The following GGACT variants were observed in gnomAD, a reference collection of about 807,000 sequenced individuals.
The protein encoded by GGACT is gamma-glutamylamine cyclotransferase.
For synonymous variants in GGACT, 118 were observed against 115.3 expected (o/e 1.02, Z -0.15); for missense variants, 241 against 233.2 (o/e 1.03, Z -0.22).
At chr13:100,568,058 A>C (rs1382672939) in intron 2 of GGACT, among the ~76,000 whole-genome samples, 2 of 152,192 alleles carry the variant, frequency 1.3e-5, no homozygotes, top group Non-Finnish European at 2.9e-5. Flanking sequence ...ACCTCCCTGG[A>C]AGCCCCACAC....
chr13:100,530,244 A>G lies in GGACT; in HGVS notation c.*1886T>C, dbSNP rs1178417074. ...GCTTTCACACACAATTGATTCAAGC[A>G]TTATACAGGAACACCCCTGTGCAGC... On this transcript the variant is annotated 3_prime_UTR_variant, in exon 3 of 3. Coordinates refer to ENST00000683975, the MANE Select transcript of GGACT (RefSeq NM_001195087.2). The G allele has an allele frequency of 8.7e-7, 1 of 1,149,150 alleles. No homozygotes were observed. The highest frequency in any genetic ancestry group is 1.3e-6 in the Non-Finnish European group (1 of 761,118). 71.2% of individuals were successfully genotyped at this position (1,149,150 alleles called of 1,614,324 possible). A position where few individuals can be genotyped will look rare whatever the true frequency, so the allele number is the denominator to read the frequency against.
At chr13:100,580,469 C>T (rs1875382917) in intron 2 of GGACT, among the ~76,000 whole-genome samples, 1 of 152,240 alleles carries the variant, frequency 6.6e-6, no homozygotes, top group Non-Finnish European at 1.5e-5. Flanking sequence ...TAGGGAAGGA[C>T]TTTCCATACA....
chr13:100,550,322 A>T lies in GGACT; in HGVS notation c.-10-17721T>A, dbSNP rs199681460. On this transcript the variant is annotated intron_variant, in intron 2 of 2. Coordinates refer to ENST00000683975, the MANE Select transcript of GGACT (RefSeq NM_001195087.2). ...TCTACACACACACACACACACACAC[A>T]CACACACACACACACACACACACAC... Among the ~76,000 whole-genome samples, 129 of 38,040 alleles carry T rather than the reference A, an allele frequency of 3.4e-3. 4 individuals carry two copies. The highest frequency in any genetic ancestry group is 5.2e-3 in the Admixed American group (17 of 3,280). 25.0% of individuals were successfully genotyped at this position (38,040 alleles called of 152,430 possible). A position where few individuals can be genotyped will look rare whatever the true frequency, so the allele number is the denominator to read the frequency against.
rs563438553 is a variant in GGACT, at chr13:100,570,908, C to T, written c.-11+12917G>A. Among the ~76,000 whole-genome samples the T allele has an allele frequency of 2.0e-5, 3 of 152,248 alleles. No homozygotes were observed. The East Asian group carries it at 5.8e-4, about 29-fold the overall frequency. On this transcript the variant is annotated intron_variant, in intron 2 of 2. Transcript: ENST00000683975. Reference sequence around the variant, plus strand: ...GATGATGTATCGCTACTTATTTGCTCATCTAATAATTCCATATGTAAGAAA... The same window carrying T: ...GATGATGTATCGCTACTTATTTGCTTATCTAATAATTCCATATGTAAGAAA...
intron 2 of GGACT, chr13:100,579,900 A>AC (rs1179004862): frequency 6.6e-6 from 1 of 151,928 alleles, no homozygotes; most frequent in East Asian, 1.9e-4. Context: ...GAGAGGGATC[A>AC]CCCCCTTTCT....
intron 2 of GGACT, chr13:100,539,810 C>T (rs907095681): frequency 2.0e-5 from 13 of 636,136 alleles, no homozygotes; most frequent in Non-Finnish European, 3.3e-5. Flanking sequence ...CCATCTGGTC[C>T]TGGGCTTTTT....
At chr13:100,543,890 G>A (rs1289584008) in intron 2 of GGACT, among the ~76,000 whole-genome samples, 1 of 152,200 alleles carries the variant, frequency 6.6e-6, no homozygotes, top group Non-Finnish European at 1.5e-5. Context: ...AATACCTCGT[G>A]TCAAAATTGG....
chr13:100,543,006 C>T (rs1323979840), intron 2 of GGACT, among the ~76,000 whole-genome samples: 1 of 151,984 alleles, frequency 6.6e-6, no homozygotes, highest in Non-Finnish European at 1.5e-5. Context: ...TTTTTCTTAG[C>T]CACCTGGTGG....
Position 100,530,878 on chromosome 13 carries a change from T to G in GGACT, c.*1252A>C, listed in dbSNP as rs1322499045. 6.5e-6 allele frequency: 1 copy of G among 153,556 alleles called. No homozygotes were observed. Among genetic ancestry groups the G allele is most frequent in the African/African-American group, 2.4e-5 (1 of 41,468 alleles). 9.5% of individuals were successfully genotyped at this position (153,556 alleles called of 1,614,324 possible). On this transcript the variant is annotated 3_prime_UTR_variant, in exon 3 of 3. Coordinates refer to ENST00000683975, the MANE Select transcript of GGACT (RefSeq NM_001195087.2). ...CAGGGCAGTCACAAGGAGCTTGGGC[T>G]GCCTCACCGCCCTCATCAAGCACAG...
intron 1 of GGACT, chr13:100,586,937 A>G (rs1875596787): frequency 6.6e-6 from 1 of 152,124 alleles, no homozygotes; most frequent in African/African-American, 2.4e-5. Flanking sequence ...CTTCAACTGA[A>G]GAATGAATTC....
chr13:100,571,917 G>C (rs1172201477), intron 2 of GGACT, among the ~76,000 whole-genome samples: 3 of 152,118 alleles, frequency 2.0e-5, no homozygotes, highest in Non-Finnish European at 2.9e-5. Context: ...CATATATCTT[G>C]TATCCAATAA....
chr13:100,530,518 G>T lies in GGACT; in HGVS notation c.*1612C>A. On this transcript the variant is annotated 3_prime_UTR_variant, in exon 3 of 3. Transcript: ENST00000683975. ...CAGTAGACTACCAGCATTTCTTTGT[G>T]ATCCTTTTAAGAGATTGATATAAAT... 2.5e-6 allele frequency: 1 copy of T among 393,228 alleles called. No individual in the cohort carries two copies. The highest frequency in any genetic ancestry group is 2.3e-5 in the South Asian group (1 of 43,452). 24.4% of individuals were successfully genotyped at this position (393,228 alleles called of 1,614,324 possible).
chr13:100,550,311 CA>C (rs2088648036), intron 2 of GGACT, among the ~76,000 whole-genome samples: 1 of 29,694 alleles, frequency 3.4e-5, no homozygotes, highest in Non-Finnish European at 7.7e-5. Flanking sequence ...CACACACACA[CA>C]CACACACACA....
intron 2 of GGACT, among the ~76,000 whole-genome samples, chr13:100,566,075 G>A (rs181749195): frequency 7.2e-4 from 109 of 152,356 alleles, no homozygotes; most frequent in East Asian, 1.9e-3. Flanking sequence ...CATGCCAGCT[G>A]TCAGGGAAGT....
intron 2 of GGACT, among the ~76,000 whole-genome samples, chr13:100,575,638 A>G (rs917048522): frequency 1.3e-5 from 2 of 152,088 alleles, no homozygotes. Flanking sequence ...GTGGTGCACA[A>G]CTGTGGTCCC....
chr13:100,549,365 A>T (rs566645422), intron 2 of GGACT, among the ~76,000 whole-genome samples: 1 of 152,202 alleles, frequency 6.6e-6, no homozygotes, highest in Non-Finnish European at 1.5e-5. Context: ...ACAGCCACCC[A>T]TGTGGCCCTA....
At chr13:100,579,517 C>G (rs922167093) in intron 2 of GGACT, among the ~76,000 whole-genome samples, 2 of 152,174 alleles carry the variant, frequency 1.3e-5, no homozygotes, top group African/African-American at 4.8e-5. Flanking sequence ...CTAGCCTTCC[C>G]CATGCCTTTC....
rs2088564826 is a variant in GGACT at position 100,542,548 on chromosome 13, A to G, written c.-10-9947T>C. Among the ~76,000 whole-genome samples, 5 of 152,298 alleles carry G rather than the reference A, an allele frequency of 3.3e-5. No homozygotes were observed. In the South Asian group the frequency reaches 1.0e-3, roughly 32 times the overall value. ...GGAGAATTTTACTTTGGGTTCCTAG[A>G]GCCAATTCTGAGGGCACTGAACATC... On this transcript the variant is annotated intron_variant, in intron 2 of 2. Coordinates refer to ENST00000683975, the MANE Select transcript of GGACT (RefSeq NM_001195087.2).
chr13:100,573,742 G>A (rs9300608), intron 2 of GGACT, among the ~76,000 whole-genome samples: 104,378 of 152,002 alleles, frequency 0.69, 36,413 homozygotes, highest in South Asian at 0.86. Flanking sequence ...CAAAGGACAT[G>A]AACAGACACT....
Sources: allele counts gnomAD v4.1 joint callset (sites outside exome capture counted in the v4.1 genomes callset), GRCh38; gene constraint gnomAD v4.1.1; transcripts MANE v1.5; gene names NCBI Gene and HGNC (gene_info 2026-07-23, HGNC 2026-07-21).